Variants in KCNH7 observed in about 807,000 individuals in gnomAD.
The protein encoded by KCNH7 is potassium voltage-gated channel subfamily H member 7, also known as voltage-gated inwardly rectifying potassium channel KCNH7.
A neutral mutation model predicts 120.8 loss-of-function variants in KCNH7; 49 were observed. The observed-to-expected ratio is 0.41, with a 90% CI of 0.32 to 0.51. The LOEUF (loss-of-function observed/expected upper bound fraction) is 0.51. KCNH7 is among the 20% of genes least tolerant of loss of function. KCNH7 has a pLI of 0.38. For missense variants in KCNH7, 1,097 were observed against 1,446.6 expected (o/e 0.76, Z 3.92); for synonymous variants, 547 against 516.1 (o/e 1.06, Z -0.81).
intron 6 of KCNH7, among the ~76,000 whole-genome samples, chr2:162,469,575 G>C (rs929790084): frequency 6.6e-6 from 1 of 152,166 alleles, no homozygotes. Context: ...AGAAGAGTAC[G>C]TTCCACTATC....
At chr2:162,395,991 G>A (rs751649383) in intron 11 of KCNH7, among the ~76,000 whole-genome samples, 28 of 151,796 alleles carry the variant, frequency 1.8e-4, no homozygotes, top group Middle Eastern at 6.8e-3. Context: ...GAGTGGAGTT[G>A]TGAAATTTTG....
intron 2 of KCNH7, among the ~76,000 whole-genome samples, chr2:162,550,009 C>A (rs367996780): frequency 2.0e-5 from 3 of 152,082 alleles, no homozygotes; most frequent in African/African-American, 7.2e-5. Flanking sequence ...AGAGTCTCTG[C>A]GTGGAGTATA....
intron 6 of KCNH7, among the ~76,000 whole-genome samples, chr2:162,485,661 T>G (rs981564557): frequency 6.6e-6 from 1 of 152,116 alleles, no homozygotes; most frequent in Non-Finnish European, 1.5e-5. Flanking sequence ...GGAGAGAGAA[T>G]GTATGAGAAC....
intron 2 of KCNH7, among the ~76,000 whole-genome samples, chr2:162,824,032 C>T (rs1458742601): frequency 6.6e-6 from 1 of 152,000 alleles, no homozygotes; most frequent in Non-Finnish European, 1.5e-5. Flanking sequence ...GAAGAAAAAT[C>T]ACGAATGATA....
At chr2:162,381,451 C>A (rs1317825339) in intron 13 of KCNH7, among the ~76,000 whole-genome samples, 2 of 152,086 alleles carry the variant, frequency 1.3e-5, no homozygotes, top group Admixed American at 1.3e-4. Context: ...AAGTAGAAGA[C>A]AGACATGTCT....
At chr2:162,420,066 T>A (rs888897865) in intron 9 of KCNH7, among the ~76,000 whole-genome samples, 15 of 152,114 alleles carry the variant, frequency 9.9e-5, no homozygotes, top group African/African-American at 3.4e-4. Context: ...ATTCCTAATA[T>A]GAGATCATAC....
chr2:162,835,747 C>T (rs1312552988), intron 2 of KCNH7, among the ~76,000 whole-genome samples: 1 of 151,780 alleles, frequency 6.6e-6, no homozygotes, highest in Non-Finnish European at 1.5e-5. Flanking sequence ...TTAAGGCATG[C>T]CTATCTATTA....
chr2:162,613,267 G>A (rs552013438), intron 2 of KCNH7, among the ~76,000 whole-genome samples: 12 of 152,084 alleles, frequency 7.9e-5, no homozygotes, highest in African/African-American at 2.9e-4. Context: ...ACTATAATTA[G>A]AGTGACTATC....
At chr2:162,812,290 G>A (rs993622559) in intron 2 of KCNH7, among the ~76,000 whole-genome samples, 1 of 152,056 alleles carries the variant, frequency 6.6e-6, no homozygotes, top group Non-Finnish European at 1.5e-5. Flanking sequence ...GCCAAAGTGA[G>A]ATATTAGACT....
At position 162,753,088 on chromosome 2, in the gene KCNH7, A is replaced by T. The variant is rs192400636; in HGVS notation, c.307+83449T>A. 6.8e-4 allele frequency among the ~76,000 whole-genome samples: 103 copies of T among 151,556 alleles called. No homozygotes were observed. In the Middle Eastern group the frequency reaches 0.024, roughly 36 times the overall value. On this transcript the variant is annotated intron_variant, in intron 2 of 15. Transcript: ENST00000332142. ...TTCCTAAAGAAAATATTTGAACTTC[A>T]TCAAAAATAATTTAAAAATCAAGAG...
intron 2 of KCNH7, among the ~76,000 whole-genome samples, chr2:162,557,328 C>T (rs1231371100): frequency 2.6e-5 from 4 of 152,098 alleles, no homozygotes; most frequent in Non-Finnish European, 5.9e-5. Flanking sequence ...CAAAAATGGG[C>T]GTTCAATTGC....
intron 6 of KCNH7, among the ~76,000 whole-genome samples, chr2:162,501,551 G>T (rs1690685170): frequency 6.6e-6 from 1 of 152,044 alleles, no homozygotes; most frequent in African/African-American, 2.4e-5. Context: ...CAACTGGGTA[G>T]CTTACAAACA....
intron 1 of KCNH7, among the ~76,000 whole-genome samples, chr2:162,837,535 T>C (rs532223463): frequency 3.3e-5 from 5 of 152,328 alleles, no homozygotes; most frequent in South Asian, 4.1e-4. Flanking sequence ...AAGCAGGATA[T>C]ACAAGTTTAG....
intron 2 of KCNH7, among the ~76,000 whole-genome samples, chr2:162,788,506 C>T (rs1451028178): frequency 6.6e-6 from 1 of 151,994 alleles, no homozygotes; most frequent in African/African-American, 2.4e-5. Context: ...CAGTAGGAGA[C>T]TTGATAAAGC....
intron 2 of KCNH7, among the ~76,000 whole-genome samples, chr2:162,625,894 G>A (rs1282376813): frequency 1.3e-5 from 2 of 152,088 alleles, no homozygotes; most frequent in Admixed American, 1.3e-4. Flanking sequence ...CTTCTAAGAA[G>A]TCTTGCTTTG....
intron 6 of KCNH7, among the ~76,000 whole-genome samples, chr2:162,478,020 G>A (rs1689805999): frequency 6.6e-6 from 1 of 152,190 alleles, no homozygotes; most frequent in Non-Finnish European, 1.5e-5. Flanking sequence ...TGTGATATGT[G>A]TGATAGAAGA....
chr2:162,479,528 T>G (rs1689855608), intron 6 of KCNH7, among the ~76,000 whole-genome samples: 1 of 152,146 alleles, frequency 6.6e-6, no homozygotes, highest in Non-Finnish European at 1.5e-5. Flanking sequence ...TATATTTTGG[T>G]TCTTGTTTAT....
At chr2:162,526,285 G>A (rs762834285) in intron 3 of KCNH7, among the ~76,000 whole-genome samples, 7 of 151,916 alleles carry the variant, frequency 4.6e-5, no homozygotes, top group Non-Finnish European at 7.4e-5. Context: ...CCACAGGACC[G>A]AGGTGAAATT....
chr2:162,510,590 T>C (rs939494958), intron 5 of KCNH7, among the ~76,000 whole-genome samples: 1 of 151,698 alleles, frequency 6.6e-6, no homozygotes, highest in African/African-American at 2.4e-5. Context: ...TCCTACGTTA[T>C]TTATTTAATT....
Sources: allele counts gnomAD v4.1 joint callset (sites outside exome capture counted in the v4.1 genomes callset), GRCh38; gene constraint gnomAD v4.1.1; transcripts MANE v1.5; gene names NCBI Gene and HGNC (gene_info 2026-07-23, HGNC 2026-07-21).